THOP1: variants seen among roughly 807,000 people sequenced by gnomAD.
THOP1 encodes the protein thimet oligopeptidase 1.
Under a neutral mutation model 71.8 loss-of-function variants are expected in THOP1, and 49 were observed. The observed-to-expected ratio is 0.68, with a 90% confidence interval of 0.54 to 0.87. THOP1 has a LOEUF of 0.87. Ranked by LOEUF, THOP1 falls within the 40% of genes least tolerant of loss-of-function variation. The pLI is 0.00. For synonymous variants in THOP1, 426 were observed against 421.5 expected, an observed-to-expected ratio of 1.01 and a Z score of -0.13; for missense variants, 843 against 975.6, an observed-to-expected ratio of 0.86 and a Z score of 1.81.
In THOP1 at chr19:2,796,167, C is replaced by T. The variant is rs1459202199; in HGVS notation, c.465C>T (p.His155=). The change falls in exon 4 of 13, where the codon CAC becomes CAT. Residue 155 remains histidine (H), a synonymous_variant. Transcript: ENST00000307741. The stretch of plus-strand genomic sequence containing the variant: ...AGCTGGGCCGGAGAAATGGGCTTCA[C>T]CTCCCCAGAGAGACTCAGGAAGTGA... The part of the protein sequence containing the change: ...LIKLGRRNGL[H]LPRETQENIK... 18 of 1,613,318 alleles carry T rather than the reference C, an allele frequency of 1.1e-5. No homozygotes were observed. The South Asian group carries it at 1.3e-4, about 12-fold the overall frequency.
At position 2,804,976 on chromosome 19, in the gene THOP1, C is replaced by A; in HGVS notation, c.590-40C>A. The A allele has an allele frequency of 6.3e-7, 1 of 1,590,458 alleles. No homozygotes were observed. Among genetic ancestry groups the A allele is most frequent in the Non-Finnish European group, 8.6e-7 (1 of 1,167,992 alleles). On this transcript the variant is annotated intron_variant, in intron 5 of 12. Coordinates refer to ENST00000307741, the MANE Select transcript of THOP1 (RefSeq NM_003249.5). This position sits in a 1 kb window ranked among gnomAD's most constrained non-coding sequence, Gnocchi z 4.7. ...ACACGCTGTGTGCAGGCTGTGGGCC[C>A]ATCAGTCCTGTCAAAGCCACCCTGG...
At position 2,814,536 on chromosome 19, in the gene THOP1, A is replaced by G. The variant is rs1287781844; in HGVS notation, c.*1260A>G. ...CATCTGCTTCAGCCCCTCCTGTCCC[A>G]TTCCCACCCAGCCCAGGTCAGTGTG... On this transcript the variant is annotated 3_prime_UTR_variant, in exon 13 of 13. Coordinates refer to ENST00000307741, the MANE Select transcript of THOP1 (RefSeq NM_003249.5). 1 of 152,394 alleles carries G rather than the reference A, an allele frequency of 6.6e-6. No homozygotes were observed. The highest frequency in any genetic ancestry group is 2.4e-5 in the African/African-American group (1 of 41,454). 9.4% of individuals were successfully genotyped at this position (152,394 alleles called of 1,614,324 possible).
At position 2,801,453 on chromosome 19, in the gene THOP1, G is replaced by A. The variant is rs1401795798; in HGVS notation, c.589+1662G>A. 6.6e-6 allele frequency among the ~76,000 whole-genome samples: 1 copy of A among 152,220 alleles called. No individual in the cohort carries two copies. The highest frequency in any genetic ancestry group is 2.4e-5 in the African/African-American group (1 of 41,448). ...GGGGTCTCCCGTGCAGGTGGCTTGA[G>A]TCCCATGTGGCCAGGTGACACCGTC... On this transcript the variant is annotated intron_variant, in intron 5 of 12. Coordinates refer to ENST00000307741, the MANE Select transcript of THOP1 (RefSeq NM_003249.5). This position sits in a 1 kb window ranked among gnomAD's most constrained non-coding sequence, Gnocchi z 5.1.
chr19:2,789,524 T>C (rs1303256988), intron 1 of THOP1, among the ~76,000 whole-genome samples: 7 of 152,186 alleles, frequency 4.6e-5, no homozygotes, highest in African/African-American at 1.7e-4. Flanking sequence ...GACTTTCTTG[T>C]TGAGTTCATG....
At position 2,807,518 on chromosome 19, in the gene THOP1, C is replaced by T. The variant is rs758609649; in HGVS notation, c.963C>T (p.Cys321=). Residue 321 remains cysteine, a synonymous_variant, in exon 8 of 13, where the codon TGC becomes TGT. Transcript: ENST00000307741. ...AVILELKRAE[C]ERRGLPFDGR... ...TTCTGGAGCTGAAGCGTGCGGAGTG[C>T]GAGCGCCGGGGCCTGCCCTTCGACG... 8.7e-6 allele frequency: 14 copies of T among 1,611,704 alleles called. No homozygotes were observed. The highest frequency in any genetic ancestry group is 5.3e-5 in the African/African-American group (4 of 74,920).
chr19:2,792,194 G>A (rs914452100), intron 2 of THOP1, among the ~76,000 whole-genome samples: 4 of 152,162 alleles, frequency 2.6e-5, no homozygotes, highest in African/African-American at 7.2e-5. Context: ...CAGCCCTAGC[G>A]TCAGGCCTGG....
In THOP1 at chr19:2,807,639, G is replaced by A. The variant is rs762094441; in HGVS notation, c.1084G>A (p.Val362Met). The change falls in exon 8 of 13, where the codon GTG becomes ATG. Residue 362 changes from valine to methionine, a missense_variant. Physicochemically the swap from Val to Met is conservative, Grantham distance 21. Coordinates refer to ENST00000307741, the MANE Select transcript of THOP1 (RefSeq NM_003249.5). Reference sequence around the variant, plus strand: ...GAACCTGCTCAAGGAGTACTTCCCCGTGCAGGTGGTCACGCACGGGCTGCT... The same window carrying A: ...GAACCTGCTCAAGGAGTACTTCCCCATGCAGGTGGTCACGCACGGGCTGCT... ...DQNLLKEYFP[V>M]QVVTHGLLGI... The A allele has an allele frequency of 6.5e-5, 105 of 1,610,934 alleles. No homozygotes were observed. Among genetic ancestry groups the A allele is most frequent in the East Asian group, 1.1e-4 (5 of 44,850 alleles).
rs79330915 is a variant in THOP1 at position 2,798,603 on chromosome 19, G to C, written c.487-1086G>C. ...GGGTTTGTTATGTGAGATGGCAAGA[G>C]GGGGAGACATTGGGAATTGCCCAGC... On this transcript the variant is annotated intron_variant, in intron 4 of 12. Transcript: ENST00000307741. Among the ~76,000 whole-genome samples, 163 of 152,364 alleles carry C rather than the reference G, an allele frequency of 1.1e-3. No homozygotes were observed. The East Asian group carries it at 0.026, about 25-fold the overall frequency.
At position 2,805,322 on chromosome 19, in the gene THOP1, T is replaced by A; in HGVS notation, c.750+146T>A. ...CCAGGCCCAGTGGCCAGCAGAGGCC[T>A]CCCTGTGGGGCTCTGCCGTGCCCTG... On this transcript the variant is annotated intron_variant, in intron 6 of 12. Transcript: ENST00000307741. This position sits in a 1 kb window ranked among gnomAD's most constrained non-coding sequence, Gnocchi z 6.6. 1 of 1,004,578 alleles carries A rather than the reference T, an allele frequency of 1.0e-6. No individual in the cohort carries two copies. Among genetic ancestry groups the A allele is most frequent in the Non-Finnish European group, 1.4e-6 (1 of 705,748 alleles). 62.2% of individuals were successfully genotyped at this position (1,004,578 alleles called of 1,614,324 possible).
intron 4 of THOP1, among the ~76,000 whole-genome samples, chr19:2,797,225 G>T (rs578052137): frequency 6.6e-6 from 1 of 152,302 alleles, no homozygotes; most frequent in Admixed American, 6.5e-5. Flanking sequence ...CTGGCCCTAG[G>T]GTAATGGGGG....
chr19:2,799,477 G>A (rs1412028461), intron 4 of THOP1, among the ~76,000 whole-genome samples: 1 of 152,190 alleles, frequency 6.6e-6, no homozygotes, highest in African/African-American at 2.4e-5. Context: ...TGCCGCAGCT[G>A]GTGTTGAAAT....
At position 2,807,679 on chromosome 19, in the gene THOP1, A is replaced by G; in HGVS notation, c.1124A>G (p.Glu375Gly). Residue 375 changes from glutamate to glycine, a missense_variant, in exon 8 of 13, where the codon GAG (glutamate) becomes GGG (glycine). By Grantham distance (98) the Glu-to-Gly change is moderately conservative. Coordinates refer to ENST00000307741, the MANE Select transcript of THOP1 (RefSeq NM_003249.5). ...CACGGGCTGCTGGGCATCTACCAGG[A>G]GCTCCTGGGGCTGGCCTTCCACCAC... ...VTHGLLGIYQ[E>G]LLGLAFHHEE... 6.2e-7 allele frequency: 1 copy of G among 1,606,160 alleles called. No homozygotes were observed. Among genetic ancestry groups the G allele is most frequent in the Non-Finnish European group, 8.5e-7 (1 of 1,174,752 alleles).
intron 1 of THOP1, 55 bp downstream of exon 1, chr19:2,785,733 C>G (rs895802429): frequency 2.8e-5 from 38 of 1,336,784 alleles, no homozygotes; most frequent in Non-Finnish European, 3.2e-5. Context: ...TCGCTCCTCC[C>G]GGGGTCGCGA....
At position 2,805,450 on chromosome 19, in the gene THOP1, C is replaced by T. The variant is rs766069622; in HGVS notation, c.750+274C>T. ...CCTGCTGCTGCTCTGAGCATCTGGC[C>T]GCGCACACGTCTCGTCCCTCCCTTA... On this transcript the variant is annotated intron_variant, in intron 6 of 12. Transcript: ENST00000307741. This position sits in a 1 kb window ranked among gnomAD's most constrained non-coding sequence, Gnocchi z 6.6. Among the ~76,000 whole-genome samples the T allele has an allele frequency of 2.6e-5, 4 of 152,168 alleles. No homozygotes were observed. The highest frequency in any genetic ancestry group is 9.7e-5 in the African/African-American group (4 of 41,430).
At position 2,804,288 on chromosome 19, in the gene THOP1, C is replaced by G. The variant is rs1049856962; in HGVS notation, c.590-728C>G. Among the ~76,000 whole-genome samples, 1 of 152,134 alleles carries G rather than the reference C, an allele frequency of 6.6e-6. No homozygotes were observed. The highest frequency in any genetic ancestry group is 2.4e-5 in the African/African-American group (1 of 41,408). On this transcript the variant is annotated intron_variant, in intron 5 of 12. Transcript: ENST00000307741. This position sits in a 1 kb window ranked among gnomAD's most constrained non-coding sequence, Gnocchi z 4.7. ...GGGCCAGGTGGGAGGGTGTGGCTGC[C>G]GGGCAGCGGGGTGAACTGTGTCCTG...
chr19:2,811,610 C>T lies in THOP1; in HGVS notation c.1784C>T (p.Pro595Leu). The change falls in exon 12 of 13, where the codon CCT becomes CTT. Residue 595 changes from proline (P) to leucine (L), a missense_variant. By Grantham distance (98) the Pro-to-Leu change is moderately conservative. Coordinates refer to ENST00000307741, the MANE Select transcript of THOP1 (RefSeq NM_003249.5). ...GVPATPGTNM[P>L]ATFGHLAGGY... is the part of the protein sequence containing the mutation. Reference sequence around the variant, plus strand: ...GTGTCCGCCCCAGGAACCAACATGCCTGCAACCTTCGGCCATCTGGCAGGT... The same window carrying T: ...GTGTCCGCCCCAGGAACCAACATGCTTGCAACCTTCGGCCATCTGGCAGGT... The T allele has an allele frequency of 6.2e-7, 1 of 1,613,056 alleles. No homozygotes were observed. Among genetic ancestry groups the T allele is most frequent in the Non-Finnish European group, 8.5e-7 (1 of 1,179,798 alleles).
At chr19:2,797,242 G>T (rs998902882) in intron 4 of THOP1, among the ~76,000 whole-genome samples, 2 of 152,170 alleles carry the variant, frequency 1.3e-5, no homozygotes, top group Non-Finnish European at 2.9e-5. Flanking sequence ...GGGGCCGGTG[G>T]ATGGTGCCCC....
chr19:2,786,696 G>A (rs541607446), intron 1 of THOP1, among the ~76,000 whole-genome samples: 2 of 151,736 alleles, frequency 1.3e-5, no homozygotes, highest in Non-Finnish European at 2.9e-5. Context: ...CCGCCTCCCG[G>A]GTTCAAGCTA....
Position 2,796,116 on chromosome 19 carries a change from T to A in THOP1, c.414T>A (p.Ala138=). Residue 138 remains alanine, a synonymous_variant, in exon 4 of 13, where the codon GCT becomes GCA. Coordinates refer to ENST00000307741, the MANE Select transcript of THOP1 (RefSeq NM_003249.5). ...AGAAGGACTCACTGAGGCCCGAGGC[T>A]GCGCGGTACCTGGAGCGGCTAATCA... ...KVQKDSLRPE[A]ARYLERLIKL... The A allele has an allele frequency of 6.2e-7, 1 of 1,613,974 alleles. No individual in the cohort carries two copies. The highest frequency in any genetic ancestry group is 8.5e-7 in the Non-Finnish European group (1 of 1,179,990).
Sources: gnomAD v4.1 joint callset for allele counts (sites outside exome capture counted in the v4.1 genomes callset) on GRCh38, gnomAD v4.1.1 for gene constraint, Gnocchi (gnomAD v3.1) non-coding constraint, MANE v1.5 for transcripts, NCBI Gene and HGNC (gene_info 2026-07-23, HGNC 2026-07-21) for gene names.